Variants in KMT5B observed in about 807,000 individuals in gnomAD.
KMT5B encodes lysine methyltransferase 5B.
A neutral mutation model predicts 83.2 loss-of-function variants in KMT5B; 10 were observed. That is an observed-to-expected ratio of 0.12 (90% CI 0.07 to 0.20). The LOEUF (loss-of-function observed/expected upper bound fraction) is 0.20. KMT5B is among the 10% of genes least tolerant of loss of function. KMT5B has a pLI of 1.00. For missense variants in KMT5B, 753 were observed against 1,067.2 expected (o/e 0.71, Z 4.10); for synonymous variants, 349 against 388.8 (o/e 0.90, Z 1.20).
At position 68,157,279 on chromosome 11, in the gene KMT5B, C is replaced by A; in HGVS notation, c.*409G>T. On this transcript the variant is annotated 3_prime_UTR_variant, in exon 11 of 11. Transcript: ENST00000304363. ...CTGGTGATATTAGCATACTAGAAAC[C>A]CTTAATATGCTGCTACTATGATTTG... 6.4e-6 allele frequency: 1 copy of A among 155,352 alleles called. No individual in the cohort carries two copies. Among genetic ancestry groups the A allele is most frequent in the Non-Finnish European group, 1.4e-5 (1 of 70,176 alleles). The allele number at this position is 155,352 out of a possible 1,614,324, so 9.6% of individuals were successfully genotyped here.
In KMT5B at chr11:68,204,611, GTT is replaced by G. The variant is rs34315868; in HGVS notation, c.-77+8525_-77+8526del. Among the ~76,000 whole-genome samples, 666 of 106,108 alleles carry G rather than the reference GTT, an allele frequency of 6.3e-3. 2 individuals carry two copies. The highest frequency in any genetic ancestry group is 0.022 in the African/African-American group (638 of 28,566). The allele number at this position is 106,108 out of a possible 152,430, so 69.6% of individuals were successfully genotyped here. A position where few individuals can be genotyped will look rare whatever the true frequency, so the allele number is the denominator to read the frequency against. ...AAAACCGTGAGAGAATAAATTTCCGGTTTTTTTTTTTTTTTTTTTTTTTTGAC... is the reference window on the plus strand; with the variant it reads ...AAAACCGTGAGAGAATAAATTTCCGGTTTTTTTTTTTTTTTTTTTTTTGAC... On this transcript the variant is annotated intron_variant, in intron 1 of 10. Coordinates refer to ENST00000304363, the MANE Select transcript of KMT5B (RefSeq NM_017635.5).
chr11:68,178,481 C>A (rs1253146308), intron 4 of KMT5B, among the ~76,000 whole-genome samples: 1 of 152,128 alleles, frequency 6.6e-6, no homozygotes, highest in Non-Finnish European at 1.5e-5. Context: ...TAAATAAAAC[C>A]CCTGAAACTA....
intron 4 of KMT5B, chr11:68,179,913 C>A (rs892907266): frequency 3.9e-5 from 21 of 535,626 alleles, no homozygotes; most frequent in Admixed American, 1.3e-4. Flanking sequence ...GACTCCTGAT[C>A]TTTTGAAGAA....
Position 68,203,451 on chromosome 11 carries a change from T to A in KMT5B, c.-77+9687A>T, listed in dbSNP as rs138912505. ...TCAAAGAATTCCAAATCGGTCTTTATCAATGGCTATTCCAAAGCCGTCTGC... is the reference window on the plus strand; with the variant it reads ...TCAAAGAATTCCAAATCGGTCTTTAACAATGGCTATTCCAAAGCCGTCTGC... On this transcript the variant is annotated intron_variant, in intron 1 of 10. Transcript: ENST00000304363. Among the ~76,000 whole-genome samples, 161 of 152,344 alleles carry A rather than the reference T, an allele frequency of 1.1e-3. 1 individual carries two copies. Among genetic ancestry groups the A allele is most frequent in the African/African-American group, 3.3e-3 (137 of 41,574 alleles).
intron 10 of KMT5B, among the ~76,000 whole-genome samples, chr11:68,164,852 T>G (rs1855174615): frequency 6.6e-6 from 1 of 152,262 alleles, no homozygotes; most frequent in African/African-American, 2.4e-5. Flanking sequence ...TGTCTTATCC[T>G]GGAGCTAAGT....
At chr11:68,186,176 C>G (rs1011073397) in intron 2 of KMT5B, among the ~76,000 whole-genome samples, 1 of 152,082 alleles carries the variant, frequency 6.6e-6, no homozygotes, top group Admixed American at 6.6e-5. Context: ...TCTGGGTAGT[C>G]GTGAGAATTT....
At chr11:68,207,013 CG>C (rs1242518342) in intron 1 of KMT5B, among the ~76,000 whole-genome samples, 1 of 151,256 alleles carries the variant, frequency 6.6e-6, no homozygotes, top group East Asian at 2.0e-4. Flanking sequence ...GAGGCTGAGG[CG>C]GGCGGATCAC....
chr11:68,189,736 T>A (rs888757949), intron 2 of KMT5B, 181 bp downstream of exon 2: 9 of 479,104 alleles, frequency 1.9e-5, no homozygotes, highest in African/African-American at 1.8e-4. Flanking sequence ...AAACTTGAGT[T>A]TTATATAGTT....
In KMT5B at chr11:68,158,829, C is replaced by G; in HGVS notation, c.1517G>C (p.Ser506Thr). 5 of 1,614,192 alleles carry G rather than the reference C, an allele frequency of 3.1e-6. No homozygotes were observed. Among genetic ancestry groups the G allele is most frequent in the African/African-American group, 2.7e-5 (2 of 75,054 alleles). Reference protein sequence around the residue: ...PEGPAQAAVASGCLTRHAARE... With the variant: ...PEGPAQAAVATGCLTRHAARE... ...CGCCGCGTGTCTAGTCAAGCACCCG[C>G]TGGCAACTGCGGCTTGGGCTGGTCC... is the stretch of plus-strand genomic sequence containing the variant. The change falls in exon 11 of 11, where the codon AGC (serine) becomes ACC (threonine). Residue 506 changes from serine to threonine, a missense_variant. By Grantham distance (58) the Ser-to-Thr change is moderately conservative. Transcript: ENST00000304363.
rs1030358713 is a variant in KMT5B at position 68,159,015 on chromosome 11, G to A, written c.1331C>T (p.Pro444Leu). ...TATCTTTGAAAGTAAAGGCTTTGCA[G>A]GCTTCTTCAGTTTCTTTGGTACCCT... is the stretch of plus-strand genomic sequence containing the variant. ...NSRVPKKLKK[P>L]AKPLLSKIKL... The change falls in exon 11 of 11, where the codon CCT becomes CTT. Residue 444 changes from proline to leucine, a missense_variant. By Grantham distance (98) the Pro-to-Leu change is moderately conservative. Around this residue, in one of 9 missense-constraint regions of KMT5B, gnomAD observed 397 missense variants for 395.9 expected, o/e 1.00. Coordinates refer to ENST00000304363, the MANE Select transcript of KMT5B (RefSeq NM_017635.5). 23 of 1,612,630 alleles carry A rather than the reference G, an allele frequency of 1.4e-5. No homozygotes were observed. Among genetic ancestry groups the A allele is most frequent in the Non-Finnish European group, 1.9e-5 (23 of 1,179,700 alleles).
chr11:68,157,750 A>T lies in KMT5B; in HGVS notation c.2596T>A (p.Ser866Thr). ...KRLRLIVGKD[S>T]IDIDISSRRR... The stretch of plus-strand genomic sequence containing the variant: ...CTTGAAGAAATGTCAATATCTATAG[A>T]GTCTTTTCCAACTATTAACCTCAAG... The change falls in exon 11 of 11, where the codon TCT becomes ACT. Residue 866 changes from serine (S) to threonine (T), a missense_variant. Physicochemically the swap from Ser to Thr is moderately conservative, Grantham distance 58 (BLOSUM62 1). This residue lies in a region of KMT5B where 161 missense variants were observed against 195.1 expected (regional missense o/e 0.83). Transcript: ENST00000304363. 2 of 1,612,972 alleles carry T rather than the reference A, an allele frequency of 1.2e-6. No individual in the cohort carries two copies. The highest frequency in any genetic ancestry group is 1.7e-6 in the Non-Finnish European group (2 of 1,179,598).
At chr11:68,176,547 A>G (rs1211065368) in intron 4 of KMT5B, 1 of 152,106 alleles carries the variant, frequency 6.6e-6, no homozygotes, top group African/African-American at 2.4e-5. Flanking sequence ...GCACTTTGGG[A>G]GGTCGAGGCG....
chr11:68,176,738 C>T (rs902897974), intron 4 of KMT5B: 2 of 152,020 alleles, frequency 1.3e-5, no homozygotes, highest in African/African-American at 2.4e-5. Flanking sequence ...GAGCCAAGAT[C>T]GCGTCACTGC....
At chr11:68,191,977 G>A (rs879593824) in intron 1 of KMT5B, among the ~76,000 whole-genome samples, 2 of 152,138 alleles carry the variant, frequency 1.3e-5, no homozygotes, top group Non-Finnish European at 2.9e-5. Context: ...GTATCTTTAT[G>A]TTTATATATG....
Position 68,201,773 on chromosome 11 carries a change from T to C in KMT5B, c.-77+11365A>G, listed in dbSNP as rs143785831. ...CAAGTGGTTGAAAAAGAAAAGTCAA[T>C]ACACATTTTTAAAAAGTAGGTTCTG... On this transcript the variant is annotated intron_variant, in intron 1 of 10. Transcript: ENST00000304363. Among the ~76,000 whole-genome samples, 10 of 152,070 alleles carry C rather than the reference T, an allele frequency of 6.6e-5. No individual in the cohort carries two copies. The East Asian group carries it at 1.7e-3, about 26-fold the overall frequency.
At chr11:68,210,370 TAG>T (rs1169789172) in intron 1 of KMT5B, among the ~76,000 whole-genome samples, 2 of 152,110 alleles carry the variant, frequency 1.3e-5, no homozygotes, top group Non-Finnish European at 2.9e-5. Flanking sequence ...CTAAGGTGAT[TAG>T]AGAGATGTCA....
upstream of KMT5B, chr11:68,213,623 G>C (rs1232153171): frequency 1.3e-5 from 2 of 153,648 alleles, no homozygotes; most frequent in South Asian, 1.8e-4. Context: ...CACCGCCGCC[G>C]CGTCGCCGCC....
Position 68,213,160 on chromosome 11 carries a change from C to T in KMT5B, c.-99G>A, listed in dbSNP as rs1386942155. On this transcript the variant is annotated 5_prime_UTR_variant, in exon 1 of 11. Transcript: ENST00000304363. Reference sequence around the variant, plus strand: ...CACCGCCTGCGCCGCCCCGCTCCTCCTCGGGGCGCGTCCCAGGCCCCGCTG... The same window carrying T: ...CACCGCCTGCGCCGCCCCGCTCCTCTTCGGGGCGCGTCCCAGGCCCCGCTG... The T allele has an allele frequency of 1.4e-5, 2 of 141,106 alleles. No individual in the cohort carries two copies. The highest frequency in any genetic ancestry group is 4.3e-4 in the South Asian group (2 of 4,626). 8.7% of individuals were successfully genotyped at this position (141,106 alleles called of 1,614,324 possible).
Position 68,156,668 on chromosome 11 carries a change from C to T in KMT5B, c.*1020G>A, listed in dbSNP as rs1280259891. 1 of 152,608 alleles carries T rather than the reference C, an allele frequency of 6.6e-6. No homozygotes were observed. The highest frequency in any genetic ancestry group is 1.5e-5 in the Non-Finnish European group (1 of 68,024). The allele number at this position is 152,608 out of a possible 1,614,324, so 9.5% of individuals were successfully genotyped here. ...AACACACAAATATTTACAACATATA[C>T]ATTGTTTTCAGTTCTTTACATTGAA... On this transcript the variant is annotated 3_prime_UTR_variant, in exon 11 of 11. Transcript: ENST00000304363.
Sources: gnomAD v4.1 joint callset for allele counts (sites outside exome capture counted in the v4.1 genomes callset) on GRCh38, gnomAD v4.1.1 for gene constraint, gnomAD v4.1.1 regional missense constraint, MANE v1.5 for transcripts, NCBI Gene and HGNC (gene_info 2026-07-23, HGNC 2026-07-21) for gene names.